Variants in PTDSS2 observed in about 807,000 individuals in gnomAD.
PTDSS2 encodes phosphatidylserine synthase 2, also known as PSS-2.
PTDSS2 carries 41 observed loss-of-function variants against 64.7 expected under a neutral mutation model. The observed-to-expected ratio is 0.63, with a 90% CI of 0.49 to 0.82. The LOEUF is 0.82. Among genes scored for constraint, PTDSS2 ranks in the 40% least tolerant of loss-of-function variants. The pLI, the probability that PTDSS2 is intolerant of heterozygous loss-of-function variation, is 0.00. For synonymous variants in PTDSS2, 297 were observed against 277.8 expected, an observed-to-expected ratio of 1.07 and a Z score of -0.69; for missense variants, 485 against 650.0, an observed-to-expected ratio of 0.75 and a Z score of 2.76.
At chr11:484,903 G>T (rs1448613751) in intron 4 of PTDSS2, among the ~76,000 whole-genome samples, 4 of 150,890 alleles carry the variant, frequency 2.7e-5, no homozygotes, top group Non-Finnish European at 5.9e-5. Context: ...ACGGGCGTGT[G>T]TGTGCTCACT....
Position 490,599 on chromosome 11 carries a change from C to T in PTDSS2, c.*17C>T. The T allele has an allele frequency of 1.3e-6, 2 of 1,562,336 alleles. No individual in the cohort carries two copies. The highest frequency in any genetic ancestry group is 1.7e-6 in the Non-Finnish European group (2 of 1,153,084). On this transcript the variant is annotated 3_prime_UTR_variant, in exon 12 of 12. Coordinates refer to ENST00000308020, the MANE Select transcript of PTDSS2 (RefSeq NM_030783.3). ...CCAAACTGACCTGGGCCGTGGCTGC[C>T]TCGTGAGCCTCCCAGAGCCCAGGCC...
intron 1 of PTDSS2, among the ~76,000 whole-genome samples, chr11:455,717 C>T (rs556675920): frequency 9.9e-5 from 15 of 152,230 alleles, no homozygotes; most frequent in Non-Finnish European, 1.0e-4. Context: ...GGCCACGAGC[C>T]CTCCTGGCGT....
chr11:487,997 C>T (rs907584904), intron 6 of PTDSS2, among the ~76,000 whole-genome samples: 4 of 149,048 alleles, frequency 2.7e-5, no homozygotes, highest in Non-Finnish European at 4.5e-5. Flanking sequence ...GGGCTGCACG[C>T]ACCCGTGGGC....
chr11:488,420 G>C, intron 7 of PTDSS2, 108 bp downstream of exon 7: 1 of 1,322,532 alleles, frequency 7.6e-7, no homozygotes. Context: ...CCGGGGGGCA[G>C]TGGGTGCAGG....
At chr11:450,829 G>C (rs1433314080) in intron 1 of PTDSS2, among the ~76,000 whole-genome samples, 192 bp downstream of exon 1, 1 of 152,122 alleles carries the variant, frequency 6.6e-6, no homozygotes, top group Admixed American at 6.5e-5. Flanking sequence ...CCGACGCCGG[G>C]TCGGGCGGAG....
intron 2 of PTDSS2, chr11:463,919 C>T (rs1461252126): frequency 6.6e-6 from 1 of 152,036 alleles, no homozygotes; most frequent in Non-Finnish European, 1.5e-5. Context: ...CTTTATTCAG[C>T]TTGCTGTCAT....
chr11:474,834 G>T (rs1041965391), intron 3 of PTDSS2, among the ~76,000 whole-genome samples: 1 of 152,224 alleles, frequency 6.6e-6, no homozygotes, highest in Admixed American at 6.5e-5. Context: ...ACGTGTTTGT[G>T]ATACGGACAT....
chr11:475,273 T>TATGG (rs1847725156), intron 3 of PTDSS2, among the ~76,000 whole-genome samples: 2 of 130,840 alleles, frequency 1.5e-5, no homozygotes. Context: ...GCGTTTGTGA[T>TATGG]ACGGCCATAT....
intron 3 of PTDSS2, among the ~76,000 whole-genome samples, chr11:478,752 C>A (rs1359953062): frequency 3.3e-5 from 5 of 152,098 alleles, no homozygotes; most frequent in African/African-American, 4.8e-5. Context: ...AAAAGGTATC[C>A]ACCAAAAACC....
intron 4 of PTDSS2, among the ~76,000 whole-genome samples, chr11:485,283 C>T (rs1848291714): frequency 7.3e-6 from 1 of 136,726 alleles, no homozygotes; most frequent in Non-Finnish European, 1.5e-5. Flanking sequence ...TTAAACAGTG[C>T]ACGGGCGCGT....
At chr11:451,881 T>C (rs1846346387) in intron 1 of PTDSS2, among the ~76,000 whole-genome samples, 1 of 151,988 alleles carries the variant, frequency 6.6e-6, no homozygotes, top group Admixed American at 6.5e-5. Flanking sequence ...GAGCTCTCCT[T>C]TGGGGAGATG....
chr11:490,151 C>A, intron 11 of PTDSS2, 83 bp downstream of exon 11: 1 of 1,417,190 alleles, frequency 7.1e-7, no homozygotes, highest in South Asian at 1.3e-5. Flanking sequence ...AGTTTGGTGT[C>A]GTTGGTGTCT....
chr11:484,452 G>A (rs912389193), intron 4 of PTDSS2, among the ~76,000 whole-genome samples: 1 of 152,246 alleles, frequency 6.6e-6, no homozygotes, highest in Non-Finnish European at 1.5e-5. Context: ...CACAGAGGAC[G>A]GGCATGTGTG....
chr11:486,939 A>G lies in PTDSS2; in HGVS notation c.436A>G (p.Thr146Ala), dbSNP rs1309577897. The stretch of plus-strand genomic sequence containing the variant: ...GCTGACGGGGGCACTGGCCTTGCAG[A>G]CTGTCCAGGACGGCCGGCAGTTTCT... ...ELFLIFILFQ[T>A]VQDGRQFLKY... The change falls in exon 5 of 12, where the codon ACT becomes GCT. Residue 146 changes from threonine to alanine, a missense_variant and splice_region_variant. Thr to Ala is a moderately conservative substitution (Grantham distance 58). Around this residue, in one of 3 missense-constraint regions of PTDSS2, gnomAD observed 251 missense variants for 348.0 expected, o/e 0.72. Transcript: ENST00000308020. 6.2e-7 allele frequency: 1 copy of G among 1,608,046 alleles called. No individual in the cohort carries two copies. The highest frequency in any genetic ancestry group is 8.5e-7 in the Non-Finnish European group (1 of 1,176,976).
At chr11:452,775 A>T (rs1046064321) in intron 1 of PTDSS2, among the ~76,000 whole-genome samples, 1 of 152,082 alleles carries the variant, frequency 6.6e-6, no homozygotes, top group Admixed American at 6.5e-5. Flanking sequence ...GTGAGAATTC[A>T]TTACCTGCAG....
chr11:453,883 T>G (rs1215479942), intron 1 of PTDSS2, among the ~76,000 whole-genome samples: 1 of 152,236 alleles, frequency 6.6e-6, no homozygotes, highest in Non-Finnish European at 1.5e-5. Flanking sequence ...CCAGCTGTCT[T>G]CACGCCCTCA....
chr11:467,287 T>C (rs1847187748), intron 2 of PTDSS2, among the ~76,000 whole-genome samples: 1 of 152,124 alleles, frequency 6.6e-6, no homozygotes, highest in Non-Finnish European at 1.5e-5. Flanking sequence ...CCAGCATCAT[T>C]TGTCCTTCAG....
chr11:474,491 G>C (rs1847629552), intron 3 of PTDSS2, among the ~76,000 whole-genome samples: 1 of 152,164 alleles, frequency 6.6e-6, no homozygotes, highest in South Asian at 2.1e-4. Flanking sequence ...GAGGGCTCCA[G>C]ATGGAGCTGT....
Position 488,541 on chromosome 11 carries a change from G to T in PTDSS2, c.748G>T (p.Val250Leu). The T allele has an allele frequency of 6.2e-7, 1 of 1,613,320 alleles. No homozygotes were observed. The highest frequency in any genetic ancestry group is 1.1e-5 in the South Asian group (1 of 91,080). Residue 250 changes from valine to leucine, a missense_variant, in exon 8 of 12, where the codon GTG becomes TTG. By Grantham distance (32) the Val-to-Leu change is conservative (BLOSUM62 1). Coordinates refer to ENST00000308020, the MANE Select transcript of PTDSS2 (RefSeq NM_030783.3). ...ECWWDHWIMD[V>L]LVCNGLGIYC... is the part of the protein sequence containing the mutation. ...CCCCTCCCTGCAGTGGATCATGGAC[G>T]TGCTCGTCTGCAACGGGCTGGGCAT...
Sources: gnomAD v4.1 joint callset for allele counts (sites outside exome capture counted in the v4.1 genomes callset) on GRCh38, gnomAD v4.1.1 for gene constraint, gnomAD v4.1.1 regional missense constraint, MANE v1.5 for transcripts, NCBI Gene and HGNC (gene_info 2026-07-23, HGNC 2026-07-21) for gene names.